Variants in ANXA7 observed in about 807,000 individuals in gnomAD.
ANXA7 encodes annexin VII.
ANXA7 carries 55 observed loss-of-function variants against 64.9 expected under a neutral mutation model. The observed-to-expected ratio is 0.85, with a 90% CI of 0.68 to 1.06. ANXA7 has a LOEUF of 1.06. Ranked by LOEUF, ANXA7 falls within the 50% of genes least tolerant of loss-of-function variation. The pLI, the probability that ANXA7 is intolerant of heterozygous loss-of-function variation, is 0.00. For synonymous variants in ANXA7, 200 were observed against 192.4 expected (o/e 1.04, Z -0.33); for missense variants, 548 against 582.1 (o/e 0.94, Z 0.60).
intron 1 of ANXA7, among the ~76,000 whole-genome samples, chr10:73,407,356 C>A (rs889895064): frequency 6.6e-6 from 1 of 152,142 alleles, no homozygotes. Flanking sequence ...GGATTACAGG[C>A]GTGAGCCACT....
chr10:73,397,063 T>C, intron 4 of ANXA7, 101 bp downstream of exon 4: 2 of 494,944 alleles, frequency 4.0e-6, no homozygotes, highest in East Asian at 6.6e-5. Context: ...AATATAAACA[T>C]TTATTGCAGA....
At chr10:73,391,527 G>A (rs747578971) in intron 5 of ANXA7, among the ~76,000 whole-genome samples, 27 of 152,080 alleles carry the variant, frequency 1.8e-4, no homozygotes, top group Non-Finnish European at 3.5e-4. Flanking sequence ...CAGGAGGATC[G>A]CTTGAGCCCA....
chr10:73,379,270 C>T (rs1015816723), intron 11 of ANXA7, among the ~76,000 whole-genome samples: 1 of 152,074 alleles, frequency 6.6e-6, no homozygotes, highest in Non-Finnish European at 1.5e-5. Flanking sequence ...CTCAGGTGAT[C>T]CTCCCACCTC....
intron 1 of ANXA7, among the ~76,000 whole-genome samples, chr10:73,402,792 C>T (rs1169100928): frequency 6.6e-6 from 1 of 151,882 alleles, no homozygotes; most frequent in Non-Finnish European, 1.5e-5. Context: ...TTTGTATCCC[C>T]ATTCCCCCAT....
At chr10:73,380,537 G>A (rs2055259515) in intron 9 of ANXA7, among the ~76,000 whole-genome samples, 1 of 152,060 alleles carries the variant, frequency 6.6e-6, no homozygotes, top group East Asian at 1.9e-4. Context: ...GCCTCCTAAA[G>A]TGCTGGGATT....
chr10:73,396,025 A>T, intron 5 of ANXA7: 1 of 1,507,986 alleles, frequency 6.6e-7, no homozygotes, highest in Non-Finnish European at 9.2e-7. Context: ...ATTAGTAAAC[A>T]TTAGAAAACC....
intron 5 of ANXA7, among the ~76,000 whole-genome samples, chr10:73,393,593 A>C (rs1018493311): frequency 1.3e-5 from 2 of 152,200 alleles, no homozygotes; most frequent in Non-Finnish European, 2.9e-5. Context: ...AACCTGACAA[A>C]AACAAGAAAT....
rs2055233182 is a variant in ANXA7, at chr10:73,379,144, T to C, written c.1166-121A>G. 3 of 649,034 alleles carry C rather than the reference T, an allele frequency of 4.6e-6. No individual in the cohort carries two copies. In the East Asian group the frequency reaches 9.5e-5, roughly 21 times the overall value. The allele number at this position is 649,034 out of a possible 1,614,324, so 40.2% of individuals were successfully genotyped here. On this transcript the variant is annotated intron_variant, in intron 11 of 12. Transcript: ENST00000372921. ...TTTCTCTGTAATCATCACAGAAACA[T>C]GGGGTGAGTTAAGAGTGTTCAGATG...
chr10:73,407,357 G>A (rs537121977), intron 1 of ANXA7, among the ~76,000 whole-genome samples: 5 of 152,276 alleles, frequency 3.3e-5, no homozygotes, highest in African/African-American at 4.8e-5. Context: ...GATTACAGGC[G>A]TGAGCCACTG....
intron 11 of ANXA7, 159 bp downstream of exon 11, chr10:73,379,712 TATCCAATA>T (rs1196985289): frequency 2.9e-6 from 2 of 682,268 alleles, no homozygotes; most frequent in African/African-American, 1.8e-5. Context: ...TCTGGGGGCT[TATCCAATA>T]AAGAAAACAA....
At chr10:73,377,523 T>C (rs968370996) in intron 12 of ANXA7, 3 of 129,812 alleles carry the variant, frequency 2.3e-5, no homozygotes, top group African/African-American at 3.1e-5. Flanking sequence ...TAAGCCGAGA[T>C]TATGCCACTG....
rs1320404492 is a variant in ANXA7 at position 73,398,272 on chromosome 10, T to C, written c.168A>G (p.Gly56=). The C allele has an allele frequency of 6.2e-7, 1 of 1,613,932 alleles. No individual in the cohort carries two copies. Among genetic ancestry groups the C allele is most frequent in the Non-Finnish European group, 8.5e-7 (1 of 1,180,018 alleles). ...CTCCAGGCGCAGGGTAGCCTCCAGC[T>C]CCTGGGTAGCCACTACTTGGCACTT... is the stretch of plus-strand genomic sequence containing the variant. ...YPQVPSSGYP[G]AGGYPAPGGY... Residue 56 remains glycine (G), a synonymous_variant, in exon 3 of 13, where the codon GGA becomes GGG. Coordinates refer to ENST00000372921, the MANE Select transcript of ANXA7 (RefSeq NM_001156.5).
At chr10:73,387,204 T>C (rs1213398638) in intron 7 of ANXA7, among the ~76,000 whole-genome samples, 1 of 152,112 alleles carries the variant, frequency 6.6e-6, no homozygotes, top group Admixed American at 6.5e-5. Flanking sequence ...AGGACTACTC[T>C]AGAATGAAAA....
chr10:73,383,131 G>A (rs763258558), intron 9 of ANXA7, 44 bp downstream of exon 9: 96 of 1,529,278 alleles, frequency 6.3e-5, no homozygotes, highest in Non-Finnish European at 7.7e-5. Context: ...GGCTTTTAAA[G>A]TATGTTCCCT....
chr10:73,409,142 G>A (rs909542080), intron 1 of ANXA7, among the ~76,000 whole-genome samples: 4 of 152,132 alleles, frequency 2.6e-5, no homozygotes, highest in East Asian at 1.9e-4. Flanking sequence ...ACTCCTATTC[G>A]ACATAGTTCT....
At chr10:73,388,694 T>C (rs575752817) in intron 5 of ANXA7, among the ~76,000 whole-genome samples, 19 of 152,282 alleles carry the variant, frequency 1.2e-4, no homozygotes, top group African/African-American at 2.2e-4. Flanking sequence ...AATCTTACTA[T>C]AGTTTCCTTT....
rs1402163869 is a variant in ANXA7, at chr10:73,413,104, T to C, written c.-2+908A>G. Among the ~76,000 whole-genome samples the C allele has an allele frequency of 2.0e-5, 3 of 152,154 alleles. No homozygotes were observed. The East Asian group carries it at 5.8e-4, about 29-fold the overall frequency. On this transcript the variant is annotated intron_variant, in intron 1 of 12. Coordinates refer to ENST00000372921, the MANE Select transcript of ANXA7 (RefSeq NM_001156.5). ...CCGTCAGTGATGTGGAGAAAGAACA[T>C]GGAGGCATGGCTAGTCCTCTGCACG...
chr10:73,379,761 T>A (rs1046785255), intron 11 of ANXA7, 118 bp downstream of exon 11: 10 of 975,638 alleles, frequency 1.0e-5, no homozygotes, highest in Non-Finnish European at 1.4e-5. Flanking sequence ...AAGGATTAGA[T>A]CAGCTACTGC....
At chr10:73,396,008 C>T in intron 5 of ANXA7, 1 of 1,300,588 alleles carries the variant, frequency 7.7e-7, no homozygotes, top group Non-Finnish European at 1.1e-6. Flanking sequence ...ATATAAAGGA[C>T]CTAGTGATTA....
Sources: gnomAD v4.1 joint callset for allele counts (sites outside exome capture counted in the v4.1 genomes callset) on GRCh38, gnomAD v4.1.1 for gene constraint, MANE v1.5 for transcripts, NCBI Gene and HGNC (gene_info 2026-07-23, HGNC 2026-07-21) for gene names.